The following SCN7A variants were observed in gnomAD, a reference collection of about 807,000 sequenced individuals.
SCN7A encodes the protein sodium voltage-gated channel alpha subunit 7.
Under a neutral mutation model 155.2 loss-of-function variants are expected in SCN7A, and 138 were observed. The observed-to-expected ratio is 0.89, with a 90% CI of 0.77 to 1.02. The LOEUF is 1.02. Ranked by LOEUF, SCN7A falls within the 50% of genes least tolerant of loss-of-function variation. The pLI, the probability that SCN7A is intolerant of heterozygous loss-of-function variation, is 0.00. For synonymous variants in SCN7A, 693 were observed against 649.0 expected, an observed-to-expected ratio of 1.07 and a Z score of -1.03; for missense variants, 2,058 against 1,986.6, an observed-to-expected ratio of 1.04 and a Z score of -0.68.
intron 23 of SCN7A, among the ~76,000 whole-genome samples, chr2:166,411,908 A>G (rs1171484470): frequency 6.6e-6 from 1 of 152,080 alleles, no homozygotes; most frequent in Non-Finnish European, 1.5e-5. Context: ...AGGCTTCCCA[A>G]AAGAGATTAG....
At chr2:166,472,761 T>C (rs1165583019) in intron 5 of SCN7A, among the ~76,000 whole-genome samples, 1 of 151,918 alleles carries the variant, frequency 6.6e-6, no homozygotes, top group Non-Finnish European at 1.5e-5. Context: ...ACTGTAGCCA[T>C]GTAGTATAAT....
At chr2:166,413,290 T>C (rs1701242251) in intron 21 of SCN7A, among the ~76,000 whole-genome samples, 169 bp from the exon 22 acceptor site, 1 of 152,126 alleles carries the variant, frequency 6.6e-6, no homozygotes, top group Non-Finnish European at 1.5e-5. Flanking sequence ...TTAACAACTA[T>C]TTCAAGTACT....
At position 166,404,755 on chromosome 2, in the gene SCN7A, A is replaced by C. The variant is rs1701028848; in HGVS notation, c.*825T>G. 1 of 147,330 alleles carries C rather than the reference A, an allele frequency of 6.8e-6. No individual in the cohort carries two copies. Among genetic ancestry groups the C allele is most frequent in the South Asian group, 2.2e-4 (1 of 4,474 alleles). The allele number at this position is 147,330 out of a possible 1,614,324, so 9.1% of individuals were successfully genotyped here. A position where few individuals can be genotyped will look rare whatever the true frequency, so the allele number is the denominator to read the frequency against. ...TAAGGTAAAGCTTGAGTCTATTAAC[A>C]TGTTATTTATTACATCATTTTAGTA... On this transcript the variant is annotated 3_prime_UTR_variant, in exon 26 of 26. Coordinates refer to ENST00000643258, the MANE Select transcript of SCN7A (RefSeq NM_002976.4).
chr2:166,458,713 G>A (rs560070882), intron 10 of SCN7A, among the ~76,000 whole-genome samples: 9 of 152,180 alleles, frequency 5.9e-5, no homozygotes, highest in South Asian at 4.1e-4. Flanking sequence ...ACAGTATTCA[G>A]TATAATTACA....
intron 10 of SCN7A, among the ~76,000 whole-genome samples, chr2:166,461,300 T>C (rs1702403462): frequency 6.6e-6 from 1 of 152,172 alleles, no homozygotes; most frequent in East Asian, 1.9e-4. Context: ...CCTTCAACTA[T>C]GAATAACTTC....
intron 15 of SCN7A, 100 bp from the exon 16 acceptor site, chr2:166,432,852 ACT>A (rs1276542442): frequency 3.9e-6 from 3 of 772,052 alleles, no homozygotes; most frequent in South Asian, 4.1e-5. Flanking sequence ...TTTAATATCT[ACT>A]CTGTTAGCAT....
intron 2 of SCN7A, among the ~76,000 whole-genome samples, chr2:166,485,400 C>T (rs899439629): frequency 2.6e-5 from 4 of 152,038 alleles, no homozygotes; most frequent in Non-Finnish European, 5.9e-5. Context: ...TCAACAGACA[C>T]GATAGGATTA....
At chr2:166,418,384 G>T (rs569526430) in intron 20 of SCN7A, among the ~76,000 whole-genome samples, 2 of 143,136 alleles carry the variant, frequency 1.4e-5, no homozygotes, top group South Asian at 4.5e-4. Context: ...CACCCACCTC[G>T]GCCTCCCAAA....
At chr2:166,432,131 C>T (rs781501485) in intron 16 of SCN7A, among the ~76,000 whole-genome samples, 187 bp downstream of exon 16, 2 of 152,008 alleles carry the variant, frequency 1.3e-5, no homozygotes. Flanking sequence ...TATGAGAAAA[C>T]TGAAGCTTGG....
chr2:166,459,752 T>C (rs1702360075), intron 10 of SCN7A, among the ~76,000 whole-genome samples: 1 of 151,948 alleles, frequency 6.6e-6, no homozygotes, highest in Admixed American at 6.6e-5. Flanking sequence ...TTAAACTGGA[T>C]AAAGAAAATG....
chr2:166,405,708 A>G lies in SCN7A; in HGVS notation c.4921T>C (p.Leu1641=). ...IIQRAYKNYR[L]RRNDKNTSDI... ...GATGTATTTTTGTCATTTCGCCTCA[A>G]GCGGTAATTTTTATAAGCACGTTGA... Residue 1641 remains leucine, a synonymous_variant, in exon 26 of 26, where the codon TTG becomes CTG. Coordinates refer to ENST00000643258, the MANE Select transcript of SCN7A (RefSeq NM_002976.4). The G allele has an allele frequency of 6.2e-7, 1 of 1,613,034 alleles. No individual in the cohort carries two copies.
intron 10 of SCN7A, among the ~76,000 whole-genome samples, chr2:166,461,540 A>G (rs1702409442): frequency 6.6e-6 from 1 of 152,194 alleles, no homozygotes; most frequent in Non-Finnish European, 1.5e-5. Flanking sequence ...TGAACTGGAT[A>G]AGAAGAAATA....
intron 13 of SCN7A, among the ~76,000 whole-genome samples, chr2:166,443,973 T>C (rs2105438613): frequency 6.6e-6 from 1 of 152,324 alleles, no homozygotes; most frequent in East Asian, 1.9e-4. Flanking sequence ...GAATAGTTAT[T>C]TTTGAGGTAC....
chr2:166,451,851 C>T (rs1330557336), intron 11 of SCN7A, among the ~76,000 whole-genome samples: 2 of 152,178 alleles, frequency 1.3e-5, no homozygotes, highest in East Asian at 1.9e-4. Flanking sequence ...CACCAAGTAA[C>T]TAATATCCAG....
In SCN7A at chr2:166,405,648, G is replaced by A; in HGVS notation, c.4981C>T (p.His1661Tyr). Residue 1661 changes from histidine to tyrosine, a missense_variant, in exon 26 of 26, where the codon CAT becomes TAT. Physicochemically the swap from His to Tyr is moderately conservative, Grantham distance 83. Transcript: ENST00000643258. ...AAATAGGCACCTTCTTTAGTAGCAT[G>A]AACATCTCTGTCACCATCTATCATA... ...IHMIDGDRDV[H>Y]ATKEGAYFDK... 1 of 1,612,300 alleles carries A rather than the reference G, an allele frequency of 6.2e-7. No homozygotes were observed. Among genetic ancestry groups the A allele is most frequent in the East Asian group, 2.2e-5 (1 of 44,834 alleles).
chr2:166,456,480 A>G lies in SCN7A; in HGVS notation c.1290+390T>C, dbSNP rs896638491. Among the ~76,000 whole-genome samples the G allele has an allele frequency of 1.6e-4, 25 of 152,176 alleles. 1 individual carries two copies. The highest frequency in any genetic ancestry group is 6.5e-5 in the Admixed American group (1 of 15,274). ...AAATAAAAGAACACCACCATCACTGAGAAAAGGAACTAAAACCCAAACAAA... is the reference window on the plus strand; with the variant it reads ...AAATAAAAGAACACCACCATCACTGGGAAAAGGAACTAAAACCCAAACAAA... On this transcript the variant is annotated intron_variant, in intron 11 of 25. Coordinates refer to ENST00000643258, the MANE Select transcript of SCN7A (RefSeq NM_002976.4).
At chr2:166,412,974 AT>A in intron 22 of SCN7A, 93 bp downstream of exon 22, 1 of 944,204 alleles carries the variant, frequency 1.1e-6, no homozygotes, top group Non-Finnish European at 1.6e-6. Context: ...ACTGCATTTG[AT>A]TTCTATTCAT....
rs1701680152 is a variant in SCN7A at position 166,429,098 on chromosome 2, A to G, written c.2698+71T>C. ...CAGTCAATTGACTGACATACTGGAT[A>G]TGGAACATATACATTTTGACAACTT... On this transcript the variant is annotated intron_variant, in intron 17 of 25. Coordinates refer to ENST00000643258, the MANE Select transcript of SCN7A (RefSeq NM_002976.4). 13 of 779,444 alleles carry G rather than the reference A, an allele frequency of 1.7e-5. 1 individual carries two copies. The South Asian group carries it at 2.4e-4, about 14-fold the overall frequency. The allele number at this position is 779,444 out of a possible 1,614,324, so 48.3% of individuals were successfully genotyped here.
chr2:166,420,938 C>T (rs2105389239), intron 20 of SCN7A, among the ~76,000 whole-genome samples: 1 of 151,950 alleles, frequency 6.6e-6, no homozygotes, highest in East Asian at 1.9e-4. Context: ...ATTTTTAAAA[C>T]TATATTTTCT....
Sources: gnomAD v4.1 joint callset for allele counts (sites outside exome capture counted in the v4.1 genomes callset) on GRCh38, gnomAD v4.1.1 for gene constraint, MANE v1.5 for transcripts, NCBI Gene and HGNC (gene_info 2026-07-23, HGNC 2026-07-21) for gene names.